Variants in CLNK observed in about 807,000 individuals in gnomAD.
CLNK encodes cytokine-dependent hematopoietic cell linker.
Under a neutral mutation model 68.6 loss-of-function variants are expected in CLNK, and 74 were observed. The observed-to-expected ratio is 1.08, with a 90% CI of 0.89 to 1.31. CLNK has a LOEUF of 1.31. Among genes scored for constraint, CLNK ranks in the 50% most tolerant of loss-of-function variants. The probability of loss-of-function intolerance (pLI) is 0.00; values close to 1 mark genes in which losing one functional copy is unlikely to be tolerated. For synonymous variants in CLNK, 198 were observed against 172.2 expected (o/e 1.15, Z -1.17); for missense variants, 553 against 515.3 (o/e 1.07, Z -0.71).
chr4:10,510,898 A>C (rs1305552354), intron 16 of CLNK, among the ~76,000 whole-genome samples: 1 of 152,216 alleles, frequency 6.6e-6, no homozygotes, highest in East Asian at 1.9e-4. Flanking sequence ...GTTAAATGTA[A>C]TCCCAACACT....
At chr4:10,566,285 T>C in intron 5 of CLNK, 135 bp from the exon 6 acceptor site, 1 of 829,314 alleles carries the variant, frequency 1.2e-6, no homozygotes, top group Non-Finnish European at 1.9e-6. Flanking sequence ...GGGTCTGGGA[T>C]CTTAAATAGA....
At chr4:10,723,722 A>G in the CLNK span, among the ~76,000 whole-genome samples, 1 of 152,200 alleles carries the variant, frequency 6.6e-6, no homozygotes, top group East Asian at 1.9e-4. Context: ...ACACCATATT[A>G]CTTAACTGTA....
chr4:10,560,159 G>A (rs958779329), intron 7 of CLNK, among the ~76,000 whole-genome samples: 4 of 152,188 alleles, frequency 2.6e-5, no homozygotes, highest in African/African-American at 4.8e-5. Flanking sequence ...GCGTGCGTTT[G>A]CACACTGTGT....
chr4:10,573,107 G>A (rs930530263), intron 4 of CLNK, among the ~76,000 whole-genome samples: 5 of 152,178 alleles, frequency 3.3e-5, no homozygotes, highest in African/African-American at 7.2e-5. Context: ...GGGATTGCAG[G>A]TATGAGCCAT....
In CLNK at chr4:10,489,623, T is replaced by C; in HGVS notation, c.*844A>G. ...CCACATTTCTTCCCTATACTTGAAT[T>C]TCTAGGATTACAATAAAAGAGAGCT... On this transcript the variant is annotated 3_prime_UTR_variant, in exon 19 of 19. Transcript: ENST00000226951. The C allele has an allele frequency of 6.6e-6, 1 of 151,496 alleles. No homozygotes were observed. The allele number at this position is 151,496 out of a possible 1,614,324, so 9.4% of individuals were successfully genotyped here.
At chr4:10,734,374 G>A in the CLNK span, among the ~76,000 whole-genome samples, 1 of 152,170 alleles carries the variant, frequency 6.6e-6, no homozygotes, top group Non-Finnish European at 1.5e-5. Context: ...ACATTGTACT[G>A]TCAAGTGAGA....
At chr4:10,644,564 A>G (rs1259285813) in intron 2 of CLNK, among the ~76,000 whole-genome samples, 1 of 152,200 alleles carries the variant, frequency 6.6e-6, no homozygotes, top group African/African-American at 2.4e-5. Context: ...CCCAGAATAT[A>G]GTAGAGGCTC....
intron 8 of CLNK, among the ~76,000 whole-genome samples, chr4:10,545,856 T>C (rs1219245679): frequency 6.6e-6 from 1 of 152,166 alleles, no homozygotes; most frequent in Admixed American, 6.5e-5. Flanking sequence ...GGTTTAAAAC[T>C]TGTACCTTGC....
the CLNK span, among the ~76,000 whole-genome samples, chr4:10,731,197 C>A: frequency 6.6e-6 from 1 of 152,102 alleles, no homozygotes; most frequent in African/African-American, 2.4e-5. Context: ...TTTTTTTGTA[C>A]CCATTAACCA....
At position 10,566,008 on chromosome 4, in the gene CLNK, C is replaced by A; in HGVS notation, c.292+1G>T. 1 of 1,613,580 alleles carries A rather than the reference C, an allele frequency of 6.2e-7. No homozygotes were observed. Among genetic ancestry groups the A allele is most frequent in the Non-Finnish European group, 8.5e-7 (1 of 1,179,654 alleles). On this transcript the variant is annotated splice_donor_variant, in intron 6 of 18. Transcript: ENST00000226951. LOFTEE classifies it high-confidence loss of function. The stretch of plus-strand genomic sequence containing the variant: ...ATTTCAGGCAGACCCCCAAACGTTA[C>A]CTGCATATTCAGATTCCTTTATAGG...
At chr4:10,619,762 C>T (rs748128169) in intron 2 of CLNK, among the ~76,000 whole-genome samples, 1 of 152,170 alleles carries the variant, frequency 6.6e-6, no homozygotes, top group Non-Finnish European at 1.5e-5. Flanking sequence ...TCCACACAGG[C>T]TCTCAAGTAG....
At chr4:10,521,429 C>G (rs1399422952) in intron 14 of CLNK, among the ~76,000 whole-genome samples, 1 of 152,188 alleles carries the variant, frequency 6.6e-6, no homozygotes, top group Non-Finnish European at 1.5e-5. Context: ...CTACTTAATA[C>G]TTAGCTCTAA....
chr4:10,682,516 G>A (rs373053183), intron 1 of CLNK, among the ~76,000 whole-genome samples: 230 of 152,280 alleles, frequency 1.5e-3, no homozygotes, highest in Non-Finnish European at 2.7e-3. Context: ...CAGACACTGT[G>A]TGCACATTTG....
At chr4:10,600,484 T>C (rs532185855) in intron 2 of CLNK, among the ~76,000 whole-genome samples, 1 of 152,184 alleles carries the variant, frequency 6.6e-6, no homozygotes, top group Non-Finnish European at 1.5e-5. Context: ...AGCCAGGCCA[T>C]AAGCAAGTAA....
intron 1 of CLNK, among the ~76,000 whole-genome samples, chr4:10,669,301 T>G (rs768553761): frequency 2.0e-5 from 3 of 152,194 alleles, no homozygotes; most frequent in Non-Finnish European, 2.9e-5. Context: ...TTAAAATGTT[T>G]TGCAAAAAAC....
chr4:10,535,245 AAGAAAGAAAGAAAGAAAG>A (rs1400642371), intron 11 of CLNK, among the ~76,000 whole-genome samples: 1 of 151,656 alleles, frequency 6.6e-6, no homozygotes, highest in Non-Finnish European at 1.5e-5. Flanking sequence ...GAAAGAAAGA[AAGAAAGAAAGAAAGAAAG>A]AAAAAATGGA....
chr4:10,676,845 C>T (rs899756050), intron 1 of CLNK, among the ~76,000 whole-genome samples: 1 of 151,852 alleles, frequency 6.6e-6, no homozygotes, highest in Non-Finnish European at 1.5e-5. Flanking sequence ...GCTCTTCCTT[C>T]TCTCTGCTCT....
the CLNK span, among the ~76,000 whole-genome samples, chr4:10,730,359 C>G: frequency 6.6e-6 from 1 of 152,166 alleles, no homozygotes; most frequent in African/African-American, 2.4e-5. Flanking sequence ...CAATGTTGGT[C>G]TATTGTCAAG....
chr4:10,652,331 G>C (rs929673451), intron 2 of CLNK, among the ~76,000 whole-genome samples: 12 of 129,188 alleles, frequency 9.3e-5, no homozygotes, highest in Admixed American at 3.9e-4. Context: ...GCAGTGAGTG[G>C]AGATCGCGCC....
Sources: allele counts gnomAD v4.1 joint callset (sites outside exome capture counted in the v4.1 genomes callset), GRCh38; gene constraint gnomAD v4.1.1; transcripts MANE v1.5; gene names NCBI Gene and HGNC (gene_info 2026-07-23, HGNC 2026-07-21).